Variants in NUP133 observed in about 807,000 individuals in gnomAD.
The protein encoded by NUP133 is nuclear pore complex protein Nup133.
Under a neutral mutation model 146.2 loss-of-function variants are expected in NUP133, and 66 were observed. The observed-to-expected ratio is 0.45, with a 90% CI of 0.37 to 0.55. The LOEUF (loss-of-function observed/expected upper bound fraction) is 0.55. NUP133 is among the 20% of genes least tolerant of loss of function. The pLI, the probability that NUP133 is intolerant of heterozygous loss-of-function variation, is 0.00. For synonymous variants in NUP133, 521 were observed against 498.8 expected, an observed-to-expected ratio of 1.04 and a Z score of -0.59; for missense variants, 1,277 against 1,374.8, an observed-to-expected ratio of 0.93 and a Z score of 1.12.
intron 13 of NUP133, among the ~76,000 whole-genome samples, chr1:229,476,689 C>T (rs932221972): frequency 2.6e-5 from 4 of 152,148 alleles, no homozygotes; most frequent in African/African-American, 7.2e-5. Flanking sequence ...TTTGGGAGAT[C>T]AAAGCGGGTG....
intron 21 of NUP133, 49 bp from the exon 22 acceptor site, chr1:229,452,692 C>T: frequency 4.2e-6 from 6 of 1,425,148 alleles, no homozygotes; most frequent in Non-Finnish European, 5.8e-6. Flanking sequence ...TGAAATTTGA[C>T]TTTTGCTCTC....
At position 229,450,054 on chromosome 1, in the gene NUP133, T is replaced by C. The variant is rs1660415039; in HGVS notation, c.3180+471A>G. Among the ~76,000 whole-genome samples the C allele has an allele frequency of 8.7e-5, 13 of 148,802 alleles. No homozygotes were observed. In the South Asian group the frequency reaches 2.8e-3, roughly 32 times the overall value. On this transcript the variant is annotated intron_variant, in intron 23 of 25. Coordinates refer to ENST00000261396, the MANE Select transcript of NUP133 (RefSeq NM_018230.3). ...CACCATACCCATCTAATTTTTTTTT[T>C]TTTGTATTTTTTTGTATTTTTAGTA...
In NUP133 at chr1:229,488,843, T is replaced by C. The variant is rs191036311; in HGVS notation, c.1194+1112A>G. ...GTCCAAGCAACACAGCAAGACTTTA[T>C]CTCTTCAAAAAATAAACAAACAAGG... On this transcript the variant is annotated intron_variant, in intron 9 of 25. Transcript: ENST00000261396. 2.6e-5 allele frequency among the ~76,000 whole-genome samples: 4 copies of C among 152,232 alleles called. No individual in the cohort carries two copies. In the East Asian group the frequency reaches 7.7e-4, roughly 29 times the overall value.
intron 21 of NUP133, among the ~76,000 whole-genome samples, chr1:229,455,807 C>T (rs867530791): frequency 3.9e-5 from 6 of 152,170 alleles, no homozygotes; most frequent in South Asian, 2.1e-4. Context: ...AACCACAATA[C>T]GATTATCAGG....
chr1:229,503,645 T>C (rs1349492452), intron 2 of NUP133, among the ~76,000 whole-genome samples: 7 of 152,146 alleles, frequency 4.6e-5, no homozygotes, highest in African/African-American at 1.7e-4. Context: ...CAAGCAAAAA[T>C]ATCAAACCAA....
intron 19 of NUP133, among the ~76,000 whole-genome samples, chr1:229,461,887 C>CTT (rs541886278): frequency 0.022 from 3,160 of 144,106 alleles, 126 homozygotes; most frequent in African/African-American, 0.074. Flanking sequence ...AACTACTGAC[C>CTT]TTTTTTTTTT....
At chr1:229,496,962 C>A (rs1661671329) in intron 6 of NUP133, among the ~76,000 whole-genome samples, 2 of 152,188 alleles carry the variant, frequency 1.3e-5, no homozygotes, top group African/African-American at 4.8e-5. Flanking sequence ...ATGCATTTGG[C>A]AGAATGTATG....
At position 229,508,184 on chromosome 1, in the gene NUP133, T is replaced by C; in HGVS notation, c.66A>G (p.Gly22=). The change falls in exon 1 of 26, where the codon GGA becomes GGG. Residue 22 remains glycine (G), a synonymous_variant. Transcript: ENST00000261396. ...GTGSRRGPLA[G]LGPGSTPRTA... ...TCCGGGGCGTGGAGCCGGGCCCGAGTCCGGCCAGCGGGCCCCTTCGGGACC... is the reference window on the plus strand; with the variant it reads ...TCCGGGGCGTGGAGCCGGGCCCGAGCCCGGCCAGCGGGCCCCTTCGGGACC... The C allele has an allele frequency of 6.3e-7, 1 of 1,583,364 alleles. No homozygotes were observed. Among genetic ancestry groups the C allele is most frequent in the Non-Finnish European group, 8.6e-7 (1 of 1,166,604 alleles).
At position 229,452,615 on chromosome 1, in the gene NUP133, C is replaced by G; in HGVS notation, c.3009G>C (p.Leu1003=). 1 of 1,612,922 alleles carries G rather than the reference C, an allele frequency of 6.2e-7. No individual in the cohort carries two copies. The highest frequency in any genetic ancestry group is 8.5e-7 in the Non-Finnish European group (1 of 1,179,200). Residue 1003 remains leucine, a synonymous_variant, in exon 22 of 26, where the codon CTG becomes CTC. Coordinates refer to ENST00000261396, the MANE Select transcript of NUP133 (RefSeq NM_018230.3). ...GCTGTTCAGGTAGGGTCTCCTGATG[C>G]AGTAGAAAGCGCTCCTGCTCAGCCA... is the stretch of plus-strand genomic sequence containing the variant. ...EEMAEQERFL[L]HQETLPEQLL... is the part of the protein sequence containing the mutation.
intron 17 of NUP133, among the ~76,000 whole-genome samples, 197 bp from the exon 18 acceptor site, chr1:229,465,072 A>G (rs539456528): frequency 3.9e-5 from 6 of 152,316 alleles, no homozygotes; most frequent in Non-Finnish European, 8.8e-5. Flanking sequence ...CCAGGTAAAC[A>G]TGACTCTTCT....
intron 3 of NUP133, 45 bp from the exon 4 acceptor site, chr1:229,500,908 T>C: frequency 3.3e-6 from 4 of 1,216,516 alleles, no homozygotes; most frequent in Non-Finnish European, 4.8e-6. Context: ...TCAAATCCAG[T>C]ATTTTGAAGA....
chr1:229,494,566 T>C (rs1452179790), intron 8 of NUP133, among the ~76,000 whole-genome samples: 1 of 152,226 alleles, frequency 6.6e-6, no homozygotes, highest in African/African-American at 2.4e-5. Context: ...ATGTTACAAA[T>C]GGTTTTTAAG....
rs182642275 is a variant in NUP133 at position 229,472,250 on chromosome 1, C to T, written c.1852-1446G>A. ...AGGAGAATGGCATGAACCAGGGAAG[C>T]GGAGCTTGCAGTGAGCAGAGATTGC... is the stretch of plus-strand genomic sequence containing the variant. On this transcript the variant is annotated intron_variant, in intron 14 of 25. Coordinates refer to ENST00000261396, the MANE Select transcript of NUP133 (RefSeq NM_018230.3). Among the ~76,000 whole-genome samples, 813 of 148,158 alleles carry T rather than the reference C, an allele frequency of 5.5e-3. 9 individuals carry two copies. Among genetic ancestry groups the T allele is most frequent in the African/African-American group, 0.019 (762 of 39,950 alleles).
At chr1:229,454,807 G>T (rs1447201051) in intron 21 of NUP133, among the ~76,000 whole-genome samples, 1 of 152,176 alleles carries the variant, frequency 6.6e-6, no homozygotes, top group Non-Finnish European at 1.5e-5. Context: ...TAGACTATCA[G>T]CCAGTCCTAT....
chr1:229,469,582 G>A (rs1660906665), intron 15 of NUP133, among the ~76,000 whole-genome samples: 1 of 152,346 alleles, frequency 6.6e-6, no homozygotes. Context: ...CCTCAGGCCT[G>A]AAGAGGCACA....
At chr1:229,451,405 T>TA (rs35510293) in intron 22 of NUP133, among the ~76,000 whole-genome samples, 3 of 150,910 alleles carry the variant, frequency 2.0e-5, no homozygotes, top group South Asian at 2.1e-4. Flanking sequence ...ATCTTGTCTC[T>TA]AAAAAAAAAT....
At chr1:229,458,915 C>CATCACAAATTA (rs1381614403) in intron 20 of NUP133, among the ~76,000 whole-genome samples, 7 of 151,796 alleles carry the variant, frequency 4.6e-5, no homozygotes, top group African/African-American at 1.7e-4. Context: ...AATGGCAATA[C>CATCACAAATTA]CATCACAAAT....
rs376942790 is a variant in NUP133 at position 229,442,081 on chromosome 1, A to G, written c.3335-41T>C. Reference sequence around the variant, plus strand: ...CAAGAAGTCATTTTTCAATTATTATAAAATGCTCAAATGAATTCTGATGAT... The same window carrying G: ...CAAGAAGTCATTTTTCAATTATTATGAAATGCTCAAATGAATTCTGATGAT... On this transcript the variant is annotated intron_variant, in intron 25 of 25. Coordinates refer to ENST00000261396, the MANE Select transcript of NUP133 (RefSeq NM_018230.3). The G allele has an allele frequency of 7.8e-6, 12 of 1,529,330 alleles. No individual in the cohort carries two copies. In the African/African-American group the frequency reaches 1.2e-4, roughly 15 times the overall value. 94.7% of individuals were successfully genotyped at this position (1,529,330 alleles called of 1,614,324 possible).
At chr1:229,476,601 A>G (rs1661079719) in intron 13 of NUP133, among the ~76,000 whole-genome samples, 1 of 152,120 alleles carries the variant, frequency 6.6e-6, no homozygotes, top group Non-Finnish European at 1.5e-5. Flanking sequence ...AGTCAAATAT[A>G]CTGATTATGC....
Sources: allele counts gnomAD v4.1 joint callset (sites outside exome capture counted in the v4.1 genomes callset), GRCh38; gene constraint gnomAD v4.1.1; transcripts MANE v1.5; gene names NCBI Gene and HGNC (gene_info 2026-07-23, HGNC 2026-07-21).